The following MAPK8 variants were observed in gnomAD, a reference collection of about 807,000 sequenced individuals.
MAPK8 encodes mitogen-activated protein kinase 8, also known as JUN N-terminal kinase.
MAPK8 carries 13 observed loss-of-function variants against 52.9 expected under a neutral mutation model. The observed-to-expected ratio is 0.25, with a 90% CI of 0.16 to 0.39. The LOEUF (loss-of-function observed/expected upper bound fraction) is 0.39, where lower values mean the gene tolerates loss of function less well. MAPK8 is among the 10% of genes least tolerant of loss of function. MAPK8 has a pLI of 1.00. For synonymous variants in MAPK8, 191 were observed against 169.8 expected, an observed-to-expected ratio of 1.12 and a Z score of -0.97; for missense variants, 300 against 519.2, an observed-to-expected ratio of 0.58 and a Z score of 4.10.
intron 5 of MAPK8, 22 bp downstream of exon 5, chr10:48,410,190 C>T (rs1240215464): frequency 2.7e-6 from 4 of 1,469,606 alleles, no homozygotes; most frequent in Admixed American, 2.5e-5. Flanking sequence ...AAACTATCGT[C>T]ATACTCTTTG....
At chr10:48,398,999 T>C (rs2042025121) in intron 1 of MAPK8, among the ~76,000 whole-genome samples, 1 of 152,192 alleles carries the variant, frequency 6.6e-6, no homozygotes, top group Non-Finnish European at 1.5e-5. Flanking sequence ...TTTAGGTCCT[T>C]TGCATTCGAT....
rs547735887 is a variant in MAPK8, at chr10:48,379,363, T to G, written c.-49-22249T>G. Among the ~76,000 whole-genome samples the G allele has an allele frequency of 2.6e-5, 4 of 152,336 alleles. No homozygotes were observed. In the East Asian group the frequency reaches 5.8e-4, roughly 22 times the overall value. On this transcript the variant is annotated intron_variant, in intron 1 of 11. Transcript: ENST00000374189. Reference sequence around the variant, plus strand: ...GTCAACCTTAATTCCTCAAAGTAGTTTGATCATATGCTGTTCCAGTTAAAC... The same window carrying G: ...GTCAACCTTAATTCCTCAAAGTAGTGTGATCATATGCTGTTCCAGTTAAAC...
intron 9 of MAPK8, 142 bp downstream of exon 9, chr10:48,426,646 C>A: frequency 3.9e-6 from 3 of 771,290 alleles, no homozygotes; most frequent in Non-Finnish European, 6.0e-6. Flanking sequence ...ATGAAGACTA[C>A]GTCAAATAAA....
intron 10 of MAPK8, 35 bp from the exon 11 acceptor site, chr10:48,431,157 CT>C (rs776325383): frequency 5.6e-5 from 79 of 1,410,408 alleles, no homozygotes; most frequent in Middle Eastern, 5.5e-4. Context: ...GGCTCTTAGA[CT>C]TTGAAAAGTT....
intron 1 of MAPK8, among the ~76,000 whole-genome samples, chr10:48,366,204 T>G (rs1014325087): frequency 1.3e-5 from 2 of 151,926 alleles, no homozygotes; most frequent in African/African-American, 4.8e-5. Flanking sequence ...GGAAAAAAAA[T>G]AACTTTGGTG....
At chr10:48,362,262 T>C (rs1448667196) in intron 1 of MAPK8, among the ~76,000 whole-genome samples, 1 of 152,070 alleles carries the variant, frequency 6.6e-6, no homozygotes, top group African/African-American at 2.4e-5. Flanking sequence ...ACACAATGAG[T>C]CTTAGAAAGA....
At chr10:48,397,343 A>T (rs2041938870) in intron 1 of MAPK8, among the ~76,000 whole-genome samples, 1 of 150,732 alleles carries the variant, frequency 6.6e-6, no homozygotes, top group South Asian at 2.1e-4. Flanking sequence ...TTTTATAGAG[A>T]TGGGGTCTCT....
chr10:48,387,013 T>G (rs1451143767), intron 1 of MAPK8, among the ~76,000 whole-genome samples: 1 of 152,242 alleles, frequency 6.6e-6, no homozygotes, highest in Non-Finnish European at 1.5e-5. Flanking sequence ...CAGTTTCTTG[T>G]TGAGACAGTT....
intron 1 of MAPK8, among the ~76,000 whole-genome samples, chr10:48,373,372 T>A (rs2590383): frequency 0.83 from 125,924 of 151,662 alleles, 52,782 homozygotes; most frequent in African/African-American, 0.96. Flanking sequence ...ACAGGATCAA[T>A]TTCACACATA....
intron 1 of MAPK8, among the ~76,000 whole-genome samples, chr10:48,309,752 T>C (rs916964401): frequency 1.3e-5 from 2 of 152,208 alleles, no homozygotes; most frequent in Non-Finnish European, 2.9e-5. Flanking sequence ...ATTTCAGTCA[T>C]CTACATGGTT....
intron 5 of MAPK8, among the ~76,000 whole-genome samples, chr10:48,419,279 A>C (rs1216678276): frequency 6.6e-6 from 1 of 152,180 alleles, no homozygotes; most frequent in Non-Finnish European, 1.5e-5. Context: ...GGTGATATTT[A>C]ATATGTATAC....
chr10:48,339,165 A>G (rs1844988179), intron 1 of MAPK8, among the ~76,000 whole-genome samples: 1 of 152,194 alleles, frequency 6.6e-6, no homozygotes, highest in African/African-American at 2.4e-5. Flanking sequence ...CAGAGGCATC[A>G]TATTACCCAA....
At chr10:48,325,323 A>T (rs1334306474) in intron 1 of MAPK8, among the ~76,000 whole-genome samples, 1 of 152,198 alleles carries the variant, frequency 6.6e-6, no homozygotes, top group Non-Finnish European at 1.5e-5. Context: ...ATTGAACTAC[A>T]GTTCTTCCTA....
At chr10:48,376,633 T>C (rs918247090) in intron 1 of MAPK8, among the ~76,000 whole-genome samples, 1 of 152,162 alleles carries the variant, frequency 6.6e-6, no homozygotes, top group Non-Finnish European at 1.5e-5. Flanking sequence ...GAAAAAATGC[T>C]CATCATCACT....
intron 1 of MAPK8, among the ~76,000 whole-genome samples, chr10:48,316,344 T>C (rs964578877): frequency 6.6e-6 from 1 of 152,236 alleles, no homozygotes; most frequent in Non-Finnish European, 1.5e-5. Context: ...CTACACCATA[T>C]TATAGCTTAG....
At chr10:48,420,118 A>T in intron 5 of MAPK8, 37 bp from the exon 6 acceptor site, 1 of 1,499,868 alleles carries the variant, frequency 6.7e-7, no homozygotes, top group Non-Finnish European at 9.2e-7. Context: ...TTTCCTATAT[A>T]TCATGGCAGT....
At chr10:48,347,558 C>T (rs1845909354) in intron 1 of MAPK8, among the ~76,000 whole-genome samples, 1 of 152,188 alleles carries the variant, frequency 6.6e-6, no homozygotes, top group Non-Finnish European at 1.5e-5. Flanking sequence ...GCTCCCCACC[C>T]CGCAACAGGC....
intron 1 of MAPK8, among the ~76,000 whole-genome samples, chr10:48,389,033 G>C (rs937169481): frequency 6.6e-6 from 1 of 152,116 alleles, no homozygotes; most frequent in Non-Finnish European, 1.5e-5. Flanking sequence ...TTCACATATT[G>C]TTTCTACTAC....
rs1007500394 is a variant in MAPK8 at position 48,436,308 on chromosome 10, C to T, written c.*1279C>T. ...TCAACATAACACGCAATGTGGATGT[C>T]GAGTAGTGTTAAGAATGGTGCTGCT... On this transcript the variant is annotated 3_prime_UTR_variant, in exon 12 of 12. Transcript: ENST00000374189. The T allele has an allele frequency of 5.9e-5, 9 of 152,132 alleles. No individual in the cohort carries two copies. The highest frequency in any genetic ancestry group is 1.2e-4 in the Non-Finnish European group (8 of 68,026). The allele number at this position is 152,132 out of a possible 1,614,324, so 9.4% of individuals were successfully genotyped here.
Sources: gnomAD v4.1 joint callset for allele counts (sites outside exome capture counted in the v4.1 genomes callset) on GRCh38, gnomAD v4.1.1 for gene constraint, MANE v1.5 for transcripts, NCBI Gene and HGNC (gene_info 2026-07-23, HGNC 2026-07-21) for gene names.